The following SEC24A variants were observed in gnomAD, a reference collection of about 807,000 sequenced individuals.
SEC24A encodes protein transport protein Sec24A.
In SEC24A, 93 loss-of-function variants were observed where a neutral mutation model predicts 129.4. That is an observed-to-expected ratio of 0.72 (90% CI 0.61 to 0.85). SEC24A has a LOEUF of 0.85. Among genes scored for constraint, SEC24A ranks in the 40% least tolerant of loss-of-function variants. The pLI is 0.00. For missense variants in SEC24A, 1,264 were observed against 1,307.4 expected (o/e 0.97, Z 0.51); for synonymous variants, 460 against 467.3 (o/e 0.98, Z 0.20).
At chr5:134,678,728 C>T (rs1751156433) in intron 7 of SEC24A, among the ~76,000 whole-genome samples, 1 of 152,020 alleles carries the variant, frequency 6.6e-6, no homozygotes, top group Admixed American at 6.6e-5. Context: ...ATTATAGGCA[C>T]CTGCCACTAC....
chr5:134,668,512 G>C (rs989251053), intron 3 of SEC24A, among the ~76,000 whole-genome samples: 5 of 152,166 alleles, frequency 3.3e-5, no homozygotes, highest in Non-Finnish European at 5.9e-5. Context: ...GATCACCTAA[G>C]GTCAGGAGTT....
At chr5:134,686,220 A>T (rs949747823) in intron 9 of SEC24A, among the ~76,000 whole-genome samples, 5 of 152,114 alleles carry the variant, frequency 3.3e-5, no homozygotes, top group African/African-American at 1.2e-4. Context: ...GAACCTTGCT[A>T]ATACTCCCAG....
intron 20 of SEC24A, among the ~76,000 whole-genome samples, chr5:134,718,713 T>G (rs1005767407): frequency 1.3e-5 from 2 of 152,166 alleles, no homozygotes; most frequent in Non-Finnish European, 2.9e-5. Flanking sequence ...GGCTCATGCC[T>G]ATAATCCCAG....
At chr5:134,658,042 C>T (rs1296642539) in intron 1 of SEC24A, among the ~76,000 whole-genome samples, 2 of 152,040 alleles carry the variant, frequency 1.3e-5, no homozygotes, top group African/African-American at 4.8e-5. Flanking sequence ...GCTGAGGTGG[C>T]CAGATCACTT....
chr5:134,709,244 GA>G (rs908511081), intron 18 of SEC24A, among the ~76,000 whole-genome samples: 9 of 152,006 alleles, frequency 5.9e-5, no homozygotes, highest in African/African-American at 2.2e-4. Context: ...GAACACGATG[GA>G]AACATCAAAA....
chr5:134,704,803 TAAAA>T (rs554646435), intron 16 of SEC24A, among the ~76,000 whole-genome samples: 3 of 131,254 alleles, frequency 2.3e-5, no homozygotes, highest in Admixed American at 7.8e-5. Context: ...ACCTTGTTTC[TAAAA>T]AAAAAAAAAA....
chr5:134,665,014 G>A (rs1268300508), intron 2 of SEC24A, among the ~76,000 whole-genome samples: 1 of 151,024 alleles, frequency 6.6e-6, no homozygotes, highest in African/African-American at 2.4e-5. Context: ...AGGCCAGGCT[G>A]GTCCCAAACT....
chr5:134,706,696 A>T lies in SEC24A; in HGVS notation c.2551+1259A>T, dbSNP rs118175571. Reference sequence around the variant, plus strand: ...CATTCATTCATTCACTCATTCATTTATTTAGTTATTTAGAGATGGAGTCTC... The same window carrying T: ...CATTCATTCATTCACTCATTCATTTTTTTAGTTATTTAGAGATGGAGTCTC... On this transcript the variant is annotated intron_variant, in intron 17 of 22. Transcript: ENST00000398844. Among the ~76,000 whole-genome samples, 1,148 of 151,390 alleles carry T rather than the reference A, an allele frequency of 7.6e-3. 6 individuals carry two copies. The highest frequency in any genetic ancestry group is 0.041 in the Middle Eastern group (12 of 290).
In SEC24A at chr5:134,703,901, T is replaced by C. The variant is rs1752077134; in HGVS notation, c.2409T>C (p.Phe803=). The C allele has an allele frequency of 1.9e-6, 3 of 1,609,134 alleles. 1 individual carries two copies. In the East Asian group the frequency reaches 6.7e-5, roughly 36 times the overall value. The part of the protein sequence containing the change: ...ESLTDTQLVS[F]QSALLYTSSK... ...TTACTGACACTCAGTTGGTTTCTTT[T>C]CAGTCAGCACTCTTGTATACATCCA... The change falls in exon 16 of 23, where the codon TTT becomes TTC. Residue 803 remains phenylalanine (F), a synonymous_variant. Transcript: ENST00000398844.
intron 13 of SEC24A, among the ~76,000 whole-genome samples, chr5:134,695,096 G>T (rs1751777976): frequency 6.6e-6 from 1 of 152,152 alleles, no homozygotes; most frequent in South Asian, 2.1e-4. Context: ...AGGGTCAAGT[G>T]TGGTGGCTTG....
chr5:134,720,364 A>G (rs143649416), intron 20 of SEC24A, among the ~76,000 whole-genome samples: 7 of 152,348 alleles, frequency 4.6e-5, no homozygotes, highest in Admixed American at 2.6e-4. Context: ...AGGCTATACC[A>G]TTAAGGCTTG....
chr5:134,656,999 A>C (rs1750270922), intron 1 of SEC24A, among the ~76,000 whole-genome samples: 1 of 151,494 alleles, frequency 6.6e-6, no homozygotes, highest in Non-Finnish European at 1.5e-5. Flanking sequence ...AGCCTGGACA[A>C]CTTAGGGAGA....
chr5:134,679,190 C>T (rs942458395), intron 7 of SEC24A, among the ~76,000 whole-genome samples: 3 of 151,980 alleles, frequency 2.0e-5, no homozygotes, highest in Non-Finnish European at 4.4e-5. Context: ...TCAAGTGATG[C>T]TCCCACTTCA....
chr5:134,671,919 C>A (rs1561809011), intron 4 of SEC24A, 33 bp downstream of exon 4: 1 of 1,275,376 alleles, frequency 7.8e-7, no homozygotes, highest in Admixed American at 2.0e-5. Flanking sequence ...TTTTTAATCT[C>A]TTTTTTCTGA....
chr5:134,649,295 G>A (rs1749968538), intron 1 of SEC24A, 122 bp downstream of exon 1: 2 of 660,546 alleles, frequency 3.0e-6, no homozygotes, highest in South Asian at 2.3e-5. Flanking sequence ...GGCGCGGATG[G>A]TGGTGGGCGG....
At chr5:134,677,325 T>C (rs1377043423) in intron 7 of SEC24A, among the ~76,000 whole-genome samples, 3 of 152,016 alleles carry the variant, frequency 2.0e-5, no homozygotes, top group Admixed American at 2.0e-4. Context: ...AGAAAAGTTA[T>C]TTCAGAAGAA....
At chr5:134,670,086 C>T (rs1750805075) in intron 3 of SEC24A, among the ~76,000 whole-genome samples, 1 of 152,128 alleles carries the variant, frequency 6.6e-6, no homozygotes, top group Non-Finnish European at 1.5e-5. Context: ...GCCACCACAA[C>T]CAGCTAATTT....
intron 15 of SEC24A, among the ~76,000 whole-genome samples, chr5:134,698,435 C>G (rs567571286): frequency 6.6e-5 from 10 of 152,018 alleles, no homozygotes; most frequent in African/African-American, 2.4e-4. Flanking sequence ...AAAATGATGT[C>G]TCTACGAAAA....
At chr5:134,651,539 G>T (rs1189882114) in intron 1 of SEC24A, among the ~76,000 whole-genome samples, 4 of 150,582 alleles carry the variant, frequency 2.7e-5, no homozygotes, top group Non-Finnish European at 5.9e-5. Context: ...ATAATGATCC[G>T]CCCACCCTGG....
Sources: gnomAD v4.1 joint callset for allele counts (sites outside exome capture counted in the v4.1 genomes callset) on GRCh38, gnomAD v4.1.1 for gene constraint, MANE v1.5 for transcripts, NCBI Gene and HGNC (gene_info 2026-07-23, HGNC 2026-07-21) for gene names.